The following ANKIB1 variants were observed in gnomAD, a reference collection of about 807,000 sequenced individuals.
The protein encoded by ANKIB1 is ankyrin repeat and IBR domain-containing protein 1.
A neutral mutation model predicts 122.1 loss-of-function variants in ANKIB1; 43 were observed. That is an observed-to-expected ratio of 0.35 (90% CI 0.28 to 0.45). The LOEUF (loss-of-function observed/expected upper bound fraction) is 0.45, where lower values mean the gene tolerates loss of function less well. Among genes scored for constraint, ANKIB1 ranks in the 20% least tolerant of loss-of-function variants. ANKIB1 has a pLI of 1.00. For synonymous variants in ANKIB1, 390 were observed against 442.0 expected, an observed-to-expected ratio of 0.88 and a Z score of 1.48; for missense variants, 992 against 1,329.5, an observed-to-expected ratio of 0.75 and a Z score of 3.95.
intron 15 of ANKIB1, among the ~76,000 whole-genome samples, chr7:92,390,720 A>G (rs186969376): frequency 4.7e-4 from 71 of 152,296 alleles, no homozygotes; most frequent in African/African-American, 1.6e-3. Flanking sequence ...AAAGCCTTCC[A>G]CACTTGACCC....
At chr7:92,305,036 A>G (rs1258148904) in intron 2 of ANKIB1, among the ~76,000 whole-genome samples, 1 of 152,186 alleles carries the variant, frequency 6.6e-6, no homozygotes, top group Non-Finnish European at 1.5e-5. Flanking sequence ...ATAATTTTCT[A>G]TTGTATATCA....
At chr7:92,269,320 G>A (rs1343919062) in intron 1 of ANKIB1, among the ~76,000 whole-genome samples, 7 of 152,108 alleles carry the variant, frequency 4.6e-5, no homozygotes, top group African/African-American at 1.2e-4. Context: ...GTAAGCCTAC[G>A]ATTCAGAAAT....
chr7:92,325,127 TG>T (rs1288899201), intron 4 of ANKIB1, among the ~76,000 whole-genome samples: 1 of 152,228 alleles, frequency 6.6e-6, no homozygotes, highest in Non-Finnish European at 1.5e-5. Flanking sequence ...GGTCAGATTC[TG>T]TAGGAGCAGG....
intron 1 of ANKIB1, among the ~76,000 whole-genome samples, chr7:92,279,912 A>C: frequency 6.6e-6 from 1 of 152,220 alleles, no homozygotes; most frequent in East Asian, 1.9e-4. Context: ...ATCAGGGTGA[A>C]AAATTGTCAG....
chr7:92,319,725 A>T lies in ANKIB1; in HGVS notation c.669+213A>T, dbSNP rs534782529. On this transcript the variant is annotated intron_variant, in intron 4 of 19. Transcript: ENST00000265742. ...TTCCAGTGCTTTGGGAGGCCAAGGC[A>T]CCGGAGTTCTGAGACCAGCCTGGGC... 7 of 511,026 alleles carry T rather than the reference A, an allele frequency of 1.4e-5. No homozygotes were observed. In the East Asian group the frequency reaches 2.2e-4, roughly 16 times the overall value. The allele number at this position is 511,026 out of a possible 1,614,324, so 31.7% of individuals were successfully genotyped here.
At chr7:92,355,587 C>T (rs910018765) in intron 9 of ANKIB1, among the ~76,000 whole-genome samples, 2 of 152,208 alleles carry the variant, frequency 1.3e-5, no homozygotes, top group East Asian at 1.9e-4. Context: ...TGGTGGCTCA[C>T]GCCTGTAATC....
chr7:92,325,633 T>C (rs1254082939), intron 4 of ANKIB1, among the ~76,000 whole-genome samples: 1 of 130,542 alleles, frequency 7.7e-6, no homozygotes, highest in East Asian at 2.1e-4. Flanking sequence ...GTGCCTATTC[T>C]TTTTTTTTTT....
chr7:92,255,040 T>A (rs922762468), intron 1 of ANKIB1, among the ~76,000 whole-genome samples: 4 of 152,208 alleles, frequency 2.6e-5, no homozygotes, highest in African/African-American at 9.6e-5. Context: ...CCTGCTGCCA[T>A]CCATGTAAGA....
At chr7:92,271,315 A>G (rs1801786096) in intron 1 of ANKIB1, among the ~76,000 whole-genome samples, 1 of 152,150 alleles carries the variant, frequency 6.6e-6, no homozygotes. Context: ...TGTTGTATGA[A>G]TCTGTGTCTG....
rs1474237833 is a variant in ANKIB1 at position 92,386,535 on chromosome 7, C to T, written c.1644C>T (p.Cys548=). 6.2e-7 allele frequency: 1 copy of T among 1,603,558 alleles called. No homozygotes were observed. Residue 548 remains cysteine (C), a synonymous_variant, in exon 12 of 20, where the codon TGC becomes TGT. Transcript: ENST00000265742. ...AKCKYDFCWI[C]LEEWKKHSSS... is the part of the protein sequence containing the mutation. ...GCAAGTATGACTTTTGCTGGATTTG[C>T]CTTGAAGAGTGGAAAAAACATAGTT...
intron 7 of ANKIB1, chr7:92,348,030 C>T: frequency 2.3e-6 from 1 of 437,130 alleles, no homozygotes; most frequent in South Asian, 1.7e-5. Context: ...AGGTTTGCCC[C>T]AGATTTCTCT....
chr7:92,264,665 G>A (rs1358106450), intron 1 of ANKIB1, among the ~76,000 whole-genome samples: 4 of 151,670 alleles, frequency 2.6e-5, no homozygotes, highest in African/African-American at 7.3e-5. Context: ...GCCTACCTTG[G>A]CCTCCCAAAG....
At chr7:92,379,419 C>T (rs766731329) in intron 11 of ANKIB1, among the ~76,000 whole-genome samples, 42 of 151,890 alleles carry the variant, frequency 2.8e-4, no homozygotes, top group Non-Finnish European at 5.0e-4. Context: ...AGTTATACGG[C>T]GGGATTAAGG....
At chr7:92,290,018 T>C (rs1052185850) in intron 1 of ANKIB1, among the ~76,000 whole-genome samples, 2 of 152,142 alleles carry the variant, frequency 1.3e-5, no homozygotes, top group Non-Finnish European at 2.9e-5. Context: ...AGTTTTGCCA[T>C]GTTGGCCAGG....
intron 3 of ANKIB1, among the ~76,000 whole-genome samples, chr7:92,313,468 G>C (rs775022967): frequency 5.3e-5 from 8 of 151,990 alleles, no homozygotes; most frequent in Non-Finnish European, 8.8e-5. Flanking sequence ...TGCCTGTCTG[G>C]GCCTCTGTTT....
chr7:92,303,599 C>T (rs146231314), intron 2 of ANKIB1, among the ~76,000 whole-genome samples: 38 of 151,914 alleles, frequency 2.5e-4, no homozygotes, highest in African/African-American at 7.7e-4. Flanking sequence ...CTTCCAGTAA[C>T]GGGGTAGGAA....
intron 1 of ANKIB1, among the ~76,000 whole-genome samples, chr7:92,259,806 T>C (rs956950231): frequency 6.6e-6 from 1 of 152,212 alleles, no homozygotes; most frequent in African/African-American, 2.4e-5. Context: ...TGCTTCCAGG[T>C]GCTCATGCCA....
chr7:92,265,557 T>G (rs988621543), intron 1 of ANKIB1, among the ~76,000 whole-genome samples: 2 of 152,240 alleles, frequency 1.3e-5, no homozygotes, highest in African/African-American at 4.8e-5. Context: ...ACATAACTAT[T>G]GTCTGGCTGC....
intron 2 of ANKIB1, among the ~76,000 whole-genome samples, chr7:92,302,460 T>C (rs957120877): frequency 9.2e-5 from 14 of 152,178 alleles, no homozygotes; most frequent in Admixed American, 7.2e-4. Flanking sequence ...TGAACCCACA[T>C]GCTATGTGGT....
Sources: gnomAD v4.1 joint callset for allele counts (sites outside exome capture counted in the v4.1 genomes callset) on GRCh38, gnomAD v4.1.1 for gene constraint, MANE v1.5 for transcripts, NCBI Gene and HGNC (gene_info 2026-07-23, HGNC 2026-07-21) for gene names.